The following IMMP2L variants were observed in gnomAD, a reference collection of about 807,000 sequenced individuals.
IMMP2L encodes mitochondrial inner membrane protease subunit 2.
Under a neutral mutation model 19.3 loss-of-function variants are expected in IMMP2L, and 18 were observed. The ratio of observed to expected loss-of-function variants is 0.93; its 90% CI spans 0.64 to 1.38. The LOEUF (loss-of-function observed/expected upper bound fraction) is 1.38, where lower values mean the gene tolerates loss of function less well. IMMP2L is among the 40% of genes most tolerant of loss of function. The pLI, the probability that IMMP2L is intolerant of heterozygous loss-of-function variation, is 0.00. For missense variants in IMMP2L, 233 were observed against 218.2 expected (o/e 1.07, Z -0.43); for synonymous variants, 76 against 73.0 (o/e 1.04, Z -0.21).
At chr7:111,023,269 C>T (rs1826471498) in intron 3 of IMMP2L, among the ~76,000 whole-genome samples, 2 of 152,166 alleles carry the variant, frequency 1.3e-5, no homozygotes, top group African/African-American at 2.4e-5. Context: ...CAGCTAAACA[C>T]ACATGCACTC....
At chr7:110,689,446 A>C (rs1029709759) in intron 5 of IMMP2L, among the ~76,000 whole-genome samples, 1 of 151,960 alleles carries the variant, frequency 6.6e-6, no homozygotes, top group Admixed American at 6.6e-5. Context: ...CAGTTTGTAG[A>C]CTGTCTTTTT....
chr7:111,547,026 C>T (rs1168317636), intron 1 of IMMP2L, among the ~76,000 whole-genome samples: 1 of 152,060 alleles, frequency 6.6e-6, no homozygotes, highest in African/African-American at 2.4e-5. Flanking sequence ...TAGGATAGGT[C>T]TTTTAGGCCA....
At chr7:111,326,679 A>AAAC (rs914581022) in intron 3 of IMMP2L, among the ~76,000 whole-genome samples, 2 of 151,818 alleles carry the variant, frequency 1.3e-5, no homozygotes, top group African/African-American at 4.8e-5. Context: ...GTTACCAAAC[A>AAAC]AACAACAACA....
chr7:110,786,443 G>A (rs887287218), intron 5 of IMMP2L, among the ~76,000 whole-genome samples: 2 of 151,946 alleles, frequency 1.3e-5, no homozygotes, highest in African/African-American at 2.4e-5. Flanking sequence ...TTGGGCTACA[G>A]TTTTGTGAAA....
chr7:111,162,486 A>C (rs546018816), intron 3 of IMMP2L, among the ~76,000 whole-genome samples: 1 of 152,214 alleles, frequency 6.6e-6, no homozygotes, highest in South Asian at 2.1e-4. Flanking sequence ...TCATAAAAAT[A>C]TATACTACAG....
Position 111,253,946 on chromosome 7 carries a change from C to T in IMMP2L, c.239+233292G>A, listed in dbSNP as rs537179422. 2.6e-5 allele frequency among the ~76,000 whole-genome samples: 4 copies of T among 152,182 alleles called. No homozygotes were observed. In the East Asian group the frequency reaches 5.8e-4, roughly 22 times the overall value. ...GTGAAACATACTGATTGTTCAATAA[C>T]GACAACTATATAAATGTGCTTTTTC... On this transcript the variant is annotated intron_variant, in intron 3 of 5. Coordinates refer to ENST00000405709, the MANE Select transcript of IMMP2L (RefSeq NM_032549.4).
chr7:110,736,886 A>G (rs944834851), intron 5 of IMMP2L, among the ~76,000 whole-genome samples: 1 of 152,254 alleles, frequency 6.6e-6, no homozygotes, highest in South Asian at 2.1e-4. Flanking sequence ...CAAACTTCTG[A>G]GTTGGTGCTG....
chr7:111,033,417 T>C (rs995453562), intron 3 of IMMP2L, among the ~76,000 whole-genome samples: 18 of 152,154 alleles, frequency 1.2e-4, no homozygotes, highest in Admixed American at 6.5e-4. Context: ...TTTGGCAGTT[T>C]CTAACAAAAC....
At chr7:111,243,820 T>C (rs1466904883) in intron 3 of IMMP2L, among the ~76,000 whole-genome samples, 1 of 22,928 alleles carries the variant, frequency 4.4e-5, no homozygotes, top group Non-Finnish European at 8.4e-5. Context: ...TCCAATTTCA[T>C]CCATGTCCCT....
At chr7:110,807,283 A>C (rs1801698960) in intron 5 of IMMP2L, among the ~76,000 whole-genome samples, 1 of 152,032 alleles carries the variant, frequency 6.6e-6, no homozygotes, top group South Asian at 2.1e-4. Context: ...CTTTCGGTCA[A>C]ATACAGTATG....
intron 3 of IMMP2L, among the ~76,000 whole-genome samples, chr7:111,280,923 A>T (rs1819625422): frequency 6.6e-6 from 1 of 151,790 alleles, no homozygotes; most frequent in Non-Finnish European, 1.5e-5. Context: ...CAAAAAAATT[A>T]GCCAGGCGTG....
intron 5 of IMMP2L, among the ~76,000 whole-genome samples, chr7:110,762,043 C>G (rs1584750862): frequency 6.6e-6 from 1 of 152,134 alleles, no homozygotes; most frequent in Non-Finnish European, 1.5e-5. Context: ...CTTTCTCTAA[C>G]AGCCATCATC....
intron 5 of IMMP2L, among the ~76,000 whole-genome samples, chr7:110,793,546 C>T (rs139654767): frequency 2.0e-5 from 3 of 152,000 alleles, no homozygotes; most frequent in Non-Finnish European, 4.4e-5. Context: ...TTAATTTGAA[C>T]TAAAAGAAAT....
chr7:111,387,148 G>T (rs1831842184), intron 3 of IMMP2L, among the ~76,000 whole-genome samples: 1 of 152,100 alleles, frequency 6.6e-6, no homozygotes, highest in African/African-American at 2.4e-5. Flanking sequence ...AAAATGATGA[G>T]GTTCCTGCAG....
intron 5 of IMMP2L, among the ~76,000 whole-genome samples, chr7:110,857,614 C>T (rs191169264): frequency 6.6e-5 from 10 of 152,146 alleles, no homozygotes; most frequent in Admixed American, 2.0e-4. Flanking sequence ...AGGAATAGAG[C>T]TCAACAATCT....
chr7:110,859,618 C>T (rs1807168695), intron 5 of IMMP2L, among the ~76,000 whole-genome samples: 1 of 151,746 alleles, frequency 6.6e-6, no homozygotes, highest in African/African-American at 2.4e-5. Flanking sequence ...TGTTGTGTAC[C>T]TGCAGTCTCA....
chr7:111,019,723 A>G (rs1444999895), intron 3 of IMMP2L, among the ~76,000 whole-genome samples: 1 of 152,124 alleles, frequency 6.6e-6, no homozygotes, highest in Admixed American at 6.5e-5. Context: ...ATCAGCAGCT[A>G]ATGCCAGTGC....
intron 3 of IMMP2L, among the ~76,000 whole-genome samples, chr7:111,113,160 G>A (rs1001475232): frequency 2.8e-4 from 42 of 152,220 alleles, no homozygotes; most frequent in African/African-American, 9.6e-4. Flanking sequence ...TAACTAAAAT[G>A]TTCTTCATTC....
chr7:110,998,549 G>A (rs1346682763), intron 3 of IMMP2L, among the ~76,000 whole-genome samples: 1 of 152,124 alleles, frequency 6.6e-6, no homozygotes, highest in Non-Finnish European at 1.5e-5. Flanking sequence ...TTGCTAAGTT[G>A]GCAATATGTA....
Sources: gnomAD v4.1 joint callset for allele counts (sites outside exome capture counted in the v4.1 genomes callset) on GRCh38, gnomAD v4.1.1 for gene constraint, MANE v1.5 for transcripts, NCBI Gene and HGNC (gene_info 2026-07-23, HGNC 2026-07-21) for gene names.